DLG2: variants seen among roughly 807,000 people sequenced by gnomAD.
The protein encoded by DLG2 is discs large MAGUK scaffold protein 2.
Under a neutral mutation model 132.5 loss-of-function variants are expected in DLG2, and 45 were observed. The ratio of observed to expected loss-of-function variants is 0.34; its 90% CI spans 0.27 to 0.44. DLG2 has a LOEUF of 0.44. Ranked by LOEUF, DLG2 falls within the 20% of genes least tolerant of loss-of-function variation. The pLI is 1.00. For missense variants in DLG2, 1,045 were observed against 1,196.9 expected, an observed-to-expected ratio of 0.87 and a Z score of 1.87; for synonymous variants, 424 against 419.6, an observed-to-expected ratio of 1.01 and a Z score of -0.13.
In DLG2 at chr11:84,084,747, T is replaced by C. The variant is rs531437097; in HGVS notation, c.749+14176A>G. On this transcript the variant is annotated intron_variant, in intron 10 of 27. Transcript: ENST00000376104. ...TTTGTTAATTTATTCTATTGATACA[T>C]AATGATTGTACATTTTCTGGGATAT... 2.0e-5 allele frequency among the ~76,000 whole-genome samples: 3 copies of C among 152,358 alleles called. No individual in the cohort carries two copies. In the South Asian group the frequency reaches 6.2e-4, roughly 32 times the overall value.
chr11:84,300,403 C>A (rs2098138849), intron 7 of DLG2, among the ~76,000 whole-genome samples: 1 of 152,082 alleles, frequency 6.6e-6, no homozygotes, highest in South Asian at 2.1e-4. Context: ...AGAACAGACA[C>A]AAGGAAAGGG....
chr11:84,523,867 A>G (rs1377830507), intron 7 of DLG2, among the ~76,000 whole-genome samples: 2 of 152,224 alleles, frequency 1.3e-5, no homozygotes, highest in Non-Finnish European at 2.9e-5. Flanking sequence ...AAAACTTATT[A>G]TGATTTTAAT....
At position 83,555,199 on chromosome 11, in the gene DLG2, AAAG is replaced by A. The variant is rs765700635; in HGVS notation, c.1941-13344_1941-13342del. ...TGGGAAACAGCAGGCAGCAAACCTG[AAAG>A]AAGATCAATGTCTGGGATAGTCTAA... On this transcript the variant is annotated intron_variant, in intron 19 of 27. Coordinates refer to ENST00000376104, the MANE Select transcript of DLG2 (RefSeq NM_001142699.3). Among the ~76,000 whole-genome samples the A allele has an allele frequency of 7.2e-5, 11 of 152,362 alleles. No homozygotes were observed. In the East Asian group the frequency reaches 1.7e-3, roughly 24 times the overall value.
intron 3 of DLG2, among the ~76,000 whole-genome samples, chr11:85,432,617 G>C (rs934662525): frequency 3.3e-5 from 5 of 151,926 alleles, no homozygotes; most frequent in Non-Finnish European, 7.4e-5. Flanking sequence ...GGCAAGACTA[G>C]AGAAAAAACA....
At chr11:84,824,917 T>C (rs7925731) in intron 6 of DLG2, among the ~76,000 whole-genome samples, 2,877 of 151,952 alleles carry the variant, frequency 0.019, 76 homozygotes, top group African/African-American at 0.065. Context: ...AAGCATTTGT[T>C]CTCCACGAGA....
chr11:83,690,274 AGC>A (rs1163127805), intron 18 of DLG2, among the ~76,000 whole-genome samples: 160 of 151,414 alleles, frequency 1.1e-3, no homozygotes, highest in African/African-American at 3.7e-3. Context: ...AGCACCCAGA[AGC>A]ACAGACCAAG....
intron 6 of DLG2, among the ~76,000 whole-genome samples, chr11:84,595,709 G>A (rs1471409419): frequency 2.0e-5 from 3 of 151,984 alleles, no homozygotes; most frequent in Non-Finnish European, 2.9e-5. Context: ...ATTTAAGATT[G>A]GCTGAAAAAA....
intron 7 of DLG2, among the ~76,000 whole-genome samples, chr11:84,366,457 A>G (rs1017751227): frequency 6.6e-6 from 1 of 152,084 alleles, no homozygotes; most frequent in Admixed American, 6.6e-5. Context: ...AAATTCACAC[A>G]TAACAATATT....
At chr11:83,701,154 T>C (rs1018904418) in intron 18 of DLG2, among the ~76,000 whole-genome samples, 2 of 152,084 alleles carry the variant, frequency 1.3e-5, no homozygotes, top group African/African-American at 2.4e-5. Flanking sequence ...GTAGCTGCCA[T>C]ATTGTTAGTT....
intron 8 of DLG2, among the ~76,000 whole-genome samples, chr11:84,198,059 T>C (rs1796862227): frequency 6.6e-6 from 1 of 152,200 alleles, no homozygotes. Flanking sequence ...ATACTTTTTC[T>C]GGGTTTGTGT....
intron 11 of DLG2, among the ~76,000 whole-genome samples, chr11:84,037,721 C>T (rs956400418): frequency 3.3e-5 from 5 of 152,024 alleles, no homozygotes; most frequent in Admixed American, 2.6e-4. Context: ...CTTATTCTTC[C>T]TCTTCTGAGC....
At chr11:85,546,704 G>C (rs1157880081) in intron 3 of DLG2, among the ~76,000 whole-genome samples, 1 of 151,470 alleles carries the variant, frequency 6.6e-6, no homozygotes, top group Non-Finnish European at 1.5e-5. Flanking sequence ...ATTTAGGATA[G>C]TTAGCTCTTC....
At chr11:85,132,802 G>A (rs184465833) in intron 5 of DLG2, 94 of 456,616 alleles carry the variant, frequency 2.1e-4, no homozygotes, top group African/African-American at 1.7e-3. Context: ...ATCCATCCTG[G>A]ATCCCTACAC....
rs1407635067 is a variant in DLG2, at chr11:84,829,720, T to C, written c.357+281941A>G. Reference sequence around the variant, plus strand: ...GTCGAAGATAATGAGGTGTCTCATGTAGTGTACTTAGTACAGATAAAGCCT... The same window carrying C: ...GTCGAAGATAATGAGGTGTCTCATGCAGTGTACTTAGTACAGATAAAGCCT... On this transcript the variant is annotated intron_variant, in intron 6 of 27. Transcript: ENST00000376104. 2.0e-5 allele frequency among the ~76,000 whole-genome samples: 3 copies of C among 151,714 alleles called. No homozygotes were observed. In the East Asian group the frequency reaches 5.9e-4, roughly 30 times the overall value.
chr11:84,087,413 A>G (rs1378321651), intron 10 of DLG2, among the ~76,000 whole-genome samples: 1 of 152,150 alleles, frequency 6.6e-6, no homozygotes, highest in Non-Finnish European at 1.5e-5. Context: ...ATGATGCTGG[A>G]CATCTTTTTA....
At chr11:85,583,078 A>ATGTG (rs2078672232) in intron 3 of DLG2, among the ~76,000 whole-genome samples, 1 of 117,740 alleles carries the variant, frequency 8.5e-6, no homozygotes, top group African/African-American at 3.2e-5. Context: ...ATATATATAT[A>ATGTG]ATATATGTGA....
At chr11:85,299,455 A>C (rs1237332976) in intron 3 of DLG2, among the ~76,000 whole-genome samples, 1 of 152,190 alleles carries the variant, frequency 6.6e-6, no homozygotes, top group Non-Finnish European at 1.5e-5. Flanking sequence ...CAGCAGTTCC[A>C]GCTCAAAGAT....
At chr11:85,055,606 C>G (rs2063372476) in intron 6 of DLG2, among the ~76,000 whole-genome samples, 1 of 152,096 alleles carries the variant, frequency 6.6e-6, no homozygotes, top group Non-Finnish European at 1.5e-5. Context: ...CTTGATAATT[C>G]AAGATTTTGC....
At chr11:85,248,614 G>T (rs2076250140) in intron 4 of DLG2, among the ~76,000 whole-genome samples, 1 of 151,896 alleles carries the variant, frequency 6.6e-6, no homozygotes, top group African/African-American at 2.4e-5. Flanking sequence ...GGGATGAGAA[G>T]AAAGAAACAA....
Sources: allele counts gnomAD v4.1 joint callset (sites outside exome capture counted in the v4.1 genomes callset), GRCh38; gene constraint gnomAD v4.1.1; transcripts MANE v1.5; gene names NCBI Gene and HGNC (gene_info 2026-07-23, HGNC 2026-07-21).